Variants in NRXN3 observed in about 807,000 individuals in gnomAD.
The protein encoded by NRXN3 is neurexin III.
Under a neutral mutation model 137.6 loss-of-function variants are expected in NRXN3, and 32 were observed. The observed-to-expected ratio is 0.23, with a 90% CI of 0.18 to 0.31. The LOEUF (loss-of-function observed/expected upper bound fraction) is 0.31. Among genes scored for constraint, NRXN3 ranks in the 10% least tolerant of loss-of-function variants. NRXN3 has a pLI of 1.00. For missense variants in NRXN3, 1,574 were observed against 2,062.5 expected (o/e 0.76, Z 4.59); for synonymous variants, 798 against 784.5 (o/e 1.02, Z -0.29).
At chr14:78,640,851 T>C (rs2152564750) in intron 4 of NRXN3, among the ~76,000 whole-genome samples, 1 of 152,356 alleles carries the variant, frequency 6.6e-6, no homozygotes, top group Admixed American at 6.5e-5. Context: ...ATTTTTACAC[T>C]TATGCAGTTG....
At chr14:79,398,126 A>G (rs1437105922) in intron 15 of NRXN3, among the ~76,000 whole-genome samples, 2 of 152,176 alleles carry the variant, frequency 1.3e-5, no homozygotes, top group Non-Finnish European at 2.9e-5. Flanking sequence ...TCTGAACTGT[A>G]TACTCTTGCC....
chr14:78,930,416 T>C (rs1252002366), intron 10 of NRXN3, among the ~76,000 whole-genome samples: 3 of 152,210 alleles, frequency 2.0e-5, no homozygotes, highest in African/African-American at 7.2e-5. Context: ...AAACATAGTA[T>C]GGTATGTTAA....
chr14:79,743,366 G>A (rs1283874636), intron 19 of NRXN3, among the ~76,000 whole-genome samples: 4 of 152,066 alleles, frequency 2.6e-5, no homozygotes, highest in Non-Finnish European at 4.4e-5. Flanking sequence ...AGTTGCTTAG[G>A]GAACTGTCTA....
intron 4 of NRXN3, among the ~76,000 whole-genome samples, chr14:78,611,584 G>A (rs2097301661): frequency 6.6e-6 from 1 of 152,134 alleles, no homozygotes; most frequent in Non-Finnish European, 1.5e-5. Flanking sequence ...GACAGGTAGG[G>A]CCTAGACACT....
chr14:78,633,853 A>G (rs2097543931), intron 4 of NRXN3, among the ~76,000 whole-genome samples: 1 of 152,164 alleles, frequency 6.6e-6, no homozygotes, highest in East Asian at 1.9e-4. Flanking sequence ...AGCCCTATTG[A>G]TCTTGTTCAG....
chr14:79,056,936 A>G (rs906150939), intron 15 of NRXN3, among the ~76,000 whole-genome samples: 1 of 152,224 alleles, frequency 6.6e-6, no homozygotes, highest in Non-Finnish European at 1.5e-5. Context: ...TTGGATATTT[A>G]TGTGATGCTT....
intron 19 of NRXN3, among the ~76,000 whole-genome samples, chr14:79,710,928 C>T (rs1012288441): frequency 6.6e-6 from 1 of 152,210 alleles, no homozygotes; most frequent in African/African-American, 2.4e-5. Context: ...TTTCAGACTA[C>T]AAGCGGACTC....
In NRXN3 at chr14:78,522,560, T is replaced by A. The variant is rs191013984; in HGVS notation, c.758-122560T>A. Among the ~76,000 whole-genome samples the A allele has an allele frequency of 5.9e-5, 9 of 152,326 alleles. No individual in the cohort carries two copies. The East Asian group carries it at 1.7e-3, about 29-fold the overall frequency. On this transcript the variant is annotated intron_variant, in intron 4 of 20. Transcript: ENST00000335750. ...TCATGTCATGTAGCCAACATCTTTT[T>A]TTCCTTTGCACCATATAATCTGTTT...
At chr14:79,772,107 C>T (rs2099080540) in intron 19 of NRXN3, among the ~76,000 whole-genome samples, 1 of 150,682 alleles carries the variant, frequency 6.6e-6, no homozygotes, top group Non-Finnish European at 1.5e-5. Flanking sequence ...CTACAAACCA[C>T]TGCTCAAGGG....
intron 4 of NRXN3, among the ~76,000 whole-genome samples, chr14:78,538,104 G>C (rs967892269): frequency 6.6e-6 from 1 of 152,078 alleles, no homozygotes; most frequent in African/African-American, 2.4e-5. Context: ...CTCTTTTTTG[G>C]TTCCATATGA....
At chr14:79,749,705 C>T (rs2098991214) in intron 19 of NRXN3, among the ~76,000 whole-genome samples, 1 of 152,148 alleles carries the variant, frequency 6.6e-6, no homozygotes, top group Non-Finnish European at 1.5e-5. Flanking sequence ...CCCCTCACCA[C>T]ATTGAGGTGA....
chr14:79,819,411 T>C (rs1346044243), intron 20 of NRXN3, among the ~76,000 whole-genome samples: 1 of 148,950 alleles, frequency 6.7e-6, no homozygotes, highest in Non-Finnish European at 1.5e-5. Flanking sequence ...CATTTTATAG[T>C]CGTTCCCAAC....
chr14:79,454,175 C>T (rs192331670), intron 15 of NRXN3, among the ~76,000 whole-genome samples: 42 of 152,134 alleles, frequency 2.8e-4, no homozygotes, highest in Admixed American at 1.1e-3. Context: ...CCTCTGCCTC[C>T]CAGGTTCAAG....
chr14:79,494,233 C>T (rs147979415), intron 16 of NRXN3, among the ~76,000 whole-genome samples: 2,017 of 152,196 alleles, frequency 0.013, 24 homozygotes, highest in Non-Finnish European at 0.021. Flanking sequence ...AGATTTGCCT[C>T]CTAACATAAA....
intron 16 of NRXN3, among the ~76,000 whole-genome samples, chr14:79,539,723 G>A (rs1445147846): frequency 2.6e-5 from 4 of 152,092 alleles, no homozygotes; most frequent in African/African-American, 7.2e-5. Context: ...CATTATAATT[G>A]TGTGTCTTCT....
chr14:78,262,706 C>G (rs957710219), intron 2 of NRXN3, among the ~76,000 whole-genome samples: 2 of 152,168 alleles, frequency 1.3e-5, no homozygotes, highest in African/African-American at 2.4e-5. Context: ...GATCTCTGCT[C>G]TTCAGCTGTT....
intron 4 of NRXN3, among the ~76,000 whole-genome samples, chr14:78,492,672 G>T (rs1052151520): frequency 6.6e-6 from 1 of 152,080 alleles, no homozygotes; most frequent in South Asian, 2.1e-4. Context: ...TCCAGCCAGG[G>T]GTCCCAGATA....
intron 4 of NRXN3, among the ~76,000 whole-genome samples, chr14:78,628,187 C>T (rs1169844937): frequency 6.6e-6 from 1 of 151,882 alleles, no homozygotes; most frequent in African/African-American, 2.4e-5. Context: ...ACACTCCTGC[C>T]TCAGCCTCCC....
rs185064080 is a variant in NRXN3 at position 78,739,516 on chromosome 14, G to A, written c.2044+24377G>A. Among the ~76,000 whole-genome samples the A allele has an allele frequency of 3.3e-4, 50 of 152,244 alleles. No individual in the cohort carries two copies. The East Asian group carries it at 8.1e-3, about 25-fold the overall frequency. ...TGAGACGGAGTTTCATTGTTGATGC[G>A]GCTGGAGTAAAATGGCGCGATCTTG... On this transcript the variant is annotated intron_variant, in intron 8 of 20. Coordinates refer to ENST00000335750, the MANE Select transcript of NRXN3 (RefSeq NM_001330195.2).
Sources: allele counts gnomAD v4.1 joint callset (sites outside exome capture counted in the v4.1 genomes callset), GRCh38; gene constraint gnomAD v4.1.1; transcripts MANE v1.5; gene names NCBI Gene and HGNC (gene_info 2026-07-23, HGNC 2026-07-21).